The following GRIK1 variants were observed in gnomAD, a reference collection of about 807,000 sequenced individuals.
GRIK1 encodes glutamate ionotropic receptor kainate type subunit 1.
GRIK1 carries 69 observed loss-of-function variants against 105.7 expected under a neutral mutation model. The observed-to-expected ratio is 0.65, with a 90% CI of 0.54 to 0.80. The LOEUF (loss-of-function observed/expected upper bound fraction) is 0.80. Ranked by LOEUF, GRIK1 falls within the 30% of genes least tolerant of loss-of-function variation. The pLI is 0.00. For synonymous variants in GRIK1, 438 were observed against 431.3 expected (o/e 1.02, Z -0.19); for missense variants, 1,109 against 1,167.3 (o/e 0.95, Z 0.73).
intron 1 of GRIK1, among the ~76,000 whole-genome samples, chr21:29,819,226 C>G (rs2067233854): frequency 6.6e-6 from 1 of 152,034 alleles, no homozygotes; most frequent in Non-Finnish European, 1.5e-5. Context: ...AAAATACATC[C>G]CTTCTTCCCA....
At chr21:29,778,038 G>A (rs2065994887) in intron 1 of GRIK1, among the ~76,000 whole-genome samples, 1 of 152,112 alleles carries the variant, frequency 6.6e-6, no homozygotes, top group African/African-American at 2.4e-5. Flanking sequence ...TCATCAATAA[G>A]AATAAAAACG....
At chr21:29,722,547 C>T (rs535902138) in intron 1 of GRIK1, among the ~76,000 whole-genome samples, 167 of 147,784 alleles carry the variant, frequency 1.1e-3, no homozygotes, top group Non-Finnish European at 1.7e-3. Context: ...CTGAGAGAGA[C>T]TCTGTCTCAA....
intron 1 of GRIK1, among the ~76,000 whole-genome samples, chr21:29,727,340 C>T (rs752327445): frequency 1.8e-4 from 27 of 152,046 alleles, no homozygotes; most frequent in African/African-American, 7.2e-5. Flanking sequence ...CATTGTTTTT[C>T]GAGGATGATG....
At chr21:29,860,595 T>G (rs2068605634) in intron 1 of GRIK1, among the ~76,000 whole-genome samples, 1 of 152,254 alleles carries the variant, frequency 6.6e-6, no homozygotes, top group Non-Finnish European at 1.5e-5. Flanking sequence ...TTGTGACCTT[T>G]GGATTGCAAT....
At chr21:29,621,491 A>G (rs1038318109) in intron 7 of GRIK1, among the ~76,000 whole-genome samples, 3 of 152,198 alleles carry the variant, frequency 2.0e-5, no homozygotes, top group East Asian at 1.9e-4. Flanking sequence ...GCATCTATAT[A>G]GTCCCAAGCT....
At chr21:29,828,030 T>G (rs544123608) in intron 1 of GRIK1, among the ~76,000 whole-genome samples, 2 of 150,196 alleles carry the variant, frequency 1.3e-5, no homozygotes, top group South Asian at 2.1e-4. Context: ...TGTGTGTGTG[T>G]GTGTGGGTGT....
chr21:29,869,326 A>G (rs544495619), intron 1 of GRIK1, among the ~76,000 whole-genome samples: 1 of 152,346 alleles, frequency 6.6e-6, no homozygotes, highest in South Asian at 2.1e-4. Flanking sequence ...AATACATACC[A>G]GGTTAAGCCT....
At chr21:29,857,076 G>A (rs1441420501) in intron 1 of GRIK1, among the ~76,000 whole-genome samples, 1 of 152,158 alleles carries the variant, frequency 6.6e-6, no homozygotes, top group Admixed American at 6.6e-5. Flanking sequence ...AGTTATTGGA[G>A]GGGTTTAATC....
chr21:29,582,974 A>G (rs2091054024), intron 12 of GRIK1, among the ~76,000 whole-genome samples: 1 of 152,174 alleles, frequency 6.6e-6, no homozygotes, highest in African/African-American at 2.4e-5. Flanking sequence ...TGAATCCAGC[A>G]CAAGGAAATG....
chr21:29,790,664 G>C (rs1326358325), intron 1 of GRIK1, among the ~76,000 whole-genome samples: 7 of 151,948 alleles, frequency 4.6e-5, no homozygotes, highest in African/African-American at 1.7e-4. Flanking sequence ...TGTCAGTCAG[G>C]CTTGTCCTGA....
intron 1 of GRIK1, among the ~76,000 whole-genome samples, chr21:29,797,350 G>C (rs1172490365): frequency 2.0e-5 from 3 of 152,320 alleles, no homozygotes; most frequent in Non-Finnish European, 2.9e-5. Context: ...TTCTGAGATG[G>C]AGGAGTTGTC....
intron 1 of GRIK1, among the ~76,000 whole-genome samples, chr21:29,700,168 T>C (rs1169305674): frequency 6.6e-6 from 1 of 152,056 alleles, no homozygotes; most frequent in African/African-American, 2.4e-5. Flanking sequence ...CTTGAACCAG[T>C]GAAGTGCAGC....
rs534596025 is a variant in GRIK1, at chr21:29,744,699, T to C, written c.119-50636A>G. On this transcript the variant is annotated intron_variant, in intron 1 of 17. Transcript: ENST00000327783. ...TTGGTCTATATTTTTCAAGATCTTG[T>C]TATCTGTTCTTTCCATGTACTCCTA... Among the ~76,000 whole-genome samples the C allele has an allele frequency of 7.2e-5, 11 of 152,288 alleles. 1 individual carries two copies. The highest frequency in any genetic ancestry group is 2.6e-4 in the African/African-American group (11 of 41,560).
chr21:29,938,364 G>C (rs1032084586), intron 1 of GRIK1, among the ~76,000 whole-genome samples: 2 of 152,218 alleles, frequency 1.3e-5, no homozygotes, highest in East Asian at 3.8e-4. Context: ...CTCTGTGACC[G>C]TGACTCTAAG....
chr21:29,743,698 A>G (rs2076893831), intron 1 of GRIK1, among the ~76,000 whole-genome samples: 1 of 152,136 alleles, frequency 6.6e-6, no homozygotes, highest in African/African-American at 2.4e-5. Flanking sequence ...CCATCTCAGA[A>G]AAAAATATAT....
intron 1 of GRIK1, among the ~76,000 whole-genome samples, chr21:29,707,020 G>C (rs988607804): frequency 6.6e-6 from 1 of 152,118 alleles, no homozygotes; most frequent in African/African-American, 2.4e-5. Context: ...GCCCGCCACC[G>C]CGCCCTGCTA....
chr21:29,612,767 C>T (rs2061757420), intron 7 of GRIK1, among the ~76,000 whole-genome samples: 2 of 152,180 alleles, frequency 1.3e-5, no homozygotes, highest in African/African-American at 4.8e-5. Context: ...CAAAAAGAAT[C>T]ACATTGCATT....
chr21:29,593,513 G>A (rs1601206769), intron 9 of GRIK1, among the ~76,000 whole-genome samples: 1 of 152,154 alleles, frequency 6.6e-6, no homozygotes, highest in African/African-American at 2.4e-5. Flanking sequence ...CCTGTCTATT[G>A]ATTTTCATCC....
intron 1 of GRIK1, among the ~76,000 whole-genome samples, chr21:29,752,662 A>G (rs2065235230): frequency 6.6e-6 from 1 of 151,976 alleles, no homozygotes; most frequent in Admixed American, 6.6e-5. Context: ...TCATATCTCT[A>G]CAAAAAAAAA....
Sources: allele counts gnomAD v4.1 joint callset (sites outside exome capture counted in the v4.1 genomes callset), GRCh38; gene constraint gnomAD v4.1.1; transcripts MANE v1.5; gene names NCBI Gene and HGNC (gene_info 2026-07-23, HGNC 2026-07-21).